The following PPM1E variants were observed in gnomAD, a reference collection of about 807,000 sequenced individuals.
The protein encoded by PPM1E is protein phosphatase 1E.
A neutral mutation model predicts 65.9 loss-of-function variants in PPM1E; 20 were observed. That is an observed-to-expected ratio of 0.30 (90% confidence interval 0.21 to 0.44). The LOEUF is 0.44. Ranked by LOEUF, PPM1E falls within the 20% of genes least tolerant of loss-of-function variation. PPM1E has a pLI of 1.00. For synonymous variants in PPM1E, 352 were observed against 374.9 expected, an observed-to-expected ratio of 0.94 and a Z score of 0.70; for missense variants, 713 against 953.1, an observed-to-expected ratio of 0.75 and a Z score of 3.32.
chr17:58,804,084 A>C (rs1261542827), intron 1 of PPM1E, among the ~76,000 whole-genome samples: 2 of 152,080 alleles, frequency 1.3e-5, no homozygotes, highest in Non-Finnish European at 2.9e-5. Context: ...CTGTGAAGCC[A>C]TGGCAGCTAA....
chr17:58,772,139 C>T (rs1369207626), intron 1 of PPM1E, among the ~76,000 whole-genome samples: 1 of 152,094 alleles, frequency 6.6e-6, no homozygotes, highest in Non-Finnish European at 1.5e-5. Flanking sequence ...CTTGCTGCCT[C>T]TGTACAGTAT....
chr17:58,946,844 T>G (rs2052158325), intron 1 of PPM1E, among the ~76,000 whole-genome samples: 2 of 152,160 alleles, frequency 1.3e-5, no homozygotes, highest in South Asian at 4.1e-4. Context: ...ATTTAATATT[T>G]TTTTTCTTTT....
chr17:58,882,118 G>A (rs1053671990), intron 1 of PPM1E, among the ~76,000 whole-genome samples: 2 of 151,958 alleles, frequency 1.3e-5, no homozygotes, highest in African/African-American at 4.8e-5. Context: ...GCTGCAGTGA[G>A]CCATTATCAT....
At chr17:58,902,717 C>T (rs2051512155) in intron 1 of PPM1E, among the ~76,000 whole-genome samples, 2 of 152,078 alleles carry the variant, frequency 1.3e-5, no homozygotes, top group African/African-American at 4.8e-5. Context: ...CATTGTTTTG[C>T]TTCCAAAGAA....
intron 1 of PPM1E, among the ~76,000 whole-genome samples, chr17:58,891,888 G>C (rs1451661552): frequency 7.0e-6 from 1 of 142,924 alleles, no homozygotes; most frequent in Admixed American, 7.1e-5. Context: ...CAGGCTGGAG[G>C]GCAGTGGCGT....
chr17:58,792,534 G>T (rs2050165822), intron 1 of PPM1E, among the ~76,000 whole-genome samples: 1 of 150,984 alleles, frequency 6.6e-6, no homozygotes, highest in Non-Finnish European at 1.5e-5. Context: ...TAGAGACAGG[G>T]TTTCACCATG....
chr17:58,765,413 T>C lies in PPM1E; in HGVS notation c.464+8952T>C, dbSNP rs550746963. Reference sequence around the variant, plus strand: ...GGATGGTCTTGAAATCCTGATCTTGTGATCCTCCAGCCTTGGCCTCCCAAA... The same window carrying C: ...GGATGGTCTTGAAATCCTGATCTTGCGATCCTCCAGCCTTGGCCTCCCAAA... On this transcript the variant is annotated intron_variant, in intron 1 of 6. Transcript: ENST00000308249. Among the ~76,000 whole-genome samples, 5 of 152,146 alleles carry C rather than the reference T, an allele frequency of 3.3e-5. No homozygotes were observed. The East Asian group carries it at 7.7e-4, about 24-fold the overall frequency.
intron 6 of PPM1E, among the ~76,000 whole-genome samples, chr17:58,977,645 A>ATTT (rs2031093677): frequency 1.3e-5 from 2 of 152,214 alleles, no homozygotes; most frequent in African/African-American, 4.8e-5. Flanking sequence ...AACCTGCTAG[A>ATTT]TAGGGCATGT....
chr17:58,766,599 G>A (rs1319254398), intron 1 of PPM1E, among the ~76,000 whole-genome samples: 1 of 125,680 alleles, frequency 8.0e-6, no homozygotes, highest in Non-Finnish European at 1.6e-5. Flanking sequence ...TACTATATGT[G>A]TGTGTATACA....
At chr17:58,805,861 A>T (rs7219962) in intron 1 of PPM1E, among the ~76,000 whole-genome samples, 2,924 of 151,228 alleles carry the variant, frequency 0.019, 97 homozygotes, top group African/African-American at 0.067. Flanking sequence ...TATAGTTAAG[A>T]ATAGGAAGCC....
At chr17:58,756,809 G>C (rs1182871498) in intron 1 of PPM1E, among the ~76,000 whole-genome samples, 1 of 152,148 alleles carries the variant, frequency 6.6e-6, no homozygotes, top group Admixed American at 6.5e-5. Context: ...TTTCCTGCCT[G>C]GAAAGGTCCT....
intron 1 of PPM1E, among the ~76,000 whole-genome samples, chr17:58,853,793 T>A (rs750275529): frequency 1.3e-5 from 2 of 152,036 alleles, no homozygotes; most frequent in Non-Finnish European, 1.5e-5. Flanking sequence ...ATTGCACCAC[T>A]GCACTCCAGC....
Position 58,980,272 on chromosome 17 carries a change from G to C in PPM1E, c.1509G>C (p.Trp503Cys). 6.2e-7 allele frequency: 1 copy of C among 1,614,198 alleles called. No individual in the cohort carries two copies. The highest frequency in any genetic ancestry group is 8.5e-7 in the Non-Finnish European group (1 of 1,180,038). ...KAVNVSEESD[W>C]TENSFQGGQE... The stretch of plus-strand genomic sequence containing the variant: ...TAAATGTTAGTGAGGAATCAGATTG[G>C]ACAGAGAACTCTTTTCAAGGAGGGC... The change falls in exon 7 of 7, where the codon TGG becomes TGC. Residue 503 changes from tryptophan to cysteine, a missense_variant. By Grantham distance (215) the Trp-to-Cys change is radical. Transcript: ENST00000308249. The surrounding 1 kb of genome is among the most constrained non-coding windows in gnomAD (Gnocchi z 4.7).
Position 58,982,648 on chromosome 17 carries a change from A to T in PPM1E, c.*1617A>T. ...CAAAAACAGCTTCACTTTAGCAATG[A>T]TCAGATTGTTAATCTACAGATTTTA... is the stretch of plus-strand genomic sequence containing the variant. On this transcript the variant is annotated 3_prime_UTR_variant, in exon 7 of 7. Transcript: ENST00000308249. 2.1e-6 allele frequency: 1 copy of T among 470,698 alleles called. No homozygotes were observed. The allele number at this position is 470,698 out of a possible 1,614,324, so 29.2% of individuals were successfully genotyped here. A position where few individuals can be genotyped will look rare whatever the true frequency, so the allele number is the denominator to read the frequency against.
intron 1 of PPM1E, among the ~76,000 whole-genome samples, chr17:58,924,981 G>A (rs1640060734): frequency 6.6e-6 from 1 of 151,996 alleles, no homozygotes; most frequent in Non-Finnish European, 1.5e-5. Context: ...CTATCATTTT[G>A]GGGCATTTGG....
intron 1 of PPM1E, among the ~76,000 whole-genome samples, chr17:58,891,761 C>G (rs749828761): frequency 4.7e-5 from 7 of 149,558 alleles, no homozygotes; most frequent in Non-Finnish European, 1.0e-4. Flanking sequence ...TGAAGCTGCT[C>G]TATTTGGAAA....
intron 1 of PPM1E, among the ~76,000 whole-genome samples, chr17:58,947,387 C>T (rs74843695): frequency 0.24 from 36,818 of 151,374 alleles, 5,401 homozygotes; most frequent in East Asian, 0.4. Context: ...TAGGCGTGCA[C>T]CACCACACCC....
At chr17:58,761,403 C>A (rs2049819589) in intron 1 of PPM1E, among the ~76,000 whole-genome samples, 1 of 152,102 alleles carries the variant, frequency 6.6e-6, no homozygotes, top group Non-Finnish European at 1.5e-5. Flanking sequence ...TCTCTTTTGC[C>A]CTCTAGATAA....
At chr17:58,899,983 C>T (rs560912610) in intron 1 of PPM1E, among the ~76,000 whole-genome samples, 2 of 151,292 alleles carry the variant, frequency 1.3e-5, no homozygotes, top group South Asian at 2.1e-4. Flanking sequence ...TCACTTGAGG[C>T]CAGGAGTTCA....
Sources: gnomAD v4.1 joint callset for allele counts (sites outside exome capture counted in the v4.1 genomes callset) on GRCh38, gnomAD v4.1.1 for gene constraint, Gnocchi (gnomAD v3.1) non-coding constraint, MANE v1.5 for transcripts, NCBI Gene and HGNC (gene_info 2026-07-23, HGNC 2026-07-21) for gene names.